PTBP3: variants seen among roughly 807,000 people sequenced by gnomAD.
PTBP3 encodes polypyrimidine tract-binding protein 3.
Under a neutral mutation model 58.7 loss-of-function variants are expected in PTBP3, and 20 were observed. The observed-to-expected ratio is 0.34, with a 90% CI of 0.24 to 0.50. The LOEUF is 0.50. Among genes scored for constraint, PTBP3 ranks in the 20% least tolerant of loss-of-function variants. The pLI is 0.98. For missense variants in PTBP3, 509 were observed against 637.2 expected (o/e 0.80, Z 2.17); for synonymous variants, 185 against 219.8 (o/e 0.84, Z 1.40).
chr9:112,320,519 G>A (rs1008477417), intron 1 of PTBP3, among the ~76,000 whole-genome samples: 3 of 151,492 alleles, frequency 2.0e-5, no homozygotes, highest in Non-Finnish European at 4.4e-5. Flanking sequence ...ATCAATGCCA[G>A]GGAAAATCAC....
intron 3 of PTBP3, among the ~76,000 whole-genome samples, chr9:112,270,730 C>T (rs1345545492): frequency 1.3e-5 from 2 of 152,202 alleles, no homozygotes; most frequent in East Asian, 3.8e-4. Context: ...TCAGTGATCT[C>T]CTTACCATAT....
intron 1 of PTBP3, chr9:112,330,336 T>A: frequency 1.2e-6 from 1 of 850,216 alleles, no homozygotes; most frequent in Non-Finnish European, 1.8e-6. Context: ...AAGTAAAAAT[T>A]AAAGACTTTT....
At chr9:112,354,575 C>T in the PTBP3 span, among the ~76,000 whole-genome samples, 1 of 152,166 alleles carries the variant, frequency 6.6e-6, no homozygotes, top group African/African-American at 2.4e-5. Context: ...TGTTCTGGAG[C>T]AGTGGGAGTA....
chr9:112,287,361 A>C (rs1221689565), intron 2 of PTBP3, among the ~76,000 whole-genome samples: 2 of 77,956 alleles, frequency 2.6e-5, no homozygotes, highest in Admixed American at 1.8e-4. Flanking sequence ...TTTTTTTGAG[A>C]CAGAGTCTTG....
chr9:112,340,583 T>C, the PTBP3 span, among the ~76,000 whole-genome samples: 1 of 152,210 alleles, frequency 6.6e-6, no homozygotes, highest in Admixed American at 6.5e-5. Flanking sequence ...TATCTATGTT[T>C]TAAAATCTCT....
At chr9:112,308,842 TCTGG>T (rs1829352138) in intron 1 of PTBP3, among the ~76,000 whole-genome samples, 1 of 152,180 alleles carries the variant, frequency 6.6e-6, no homozygotes, top group Non-Finnish European at 1.5e-5. Context: ...TTGTCAGCTC[TCTGG>T]CTAAGTCAGC....
intron 1 of PTBP3, among the ~76,000 whole-genome samples, chr9:112,316,085 T>A (rs1461593769): frequency 6.6e-5 from 10 of 152,208 alleles, no homozygotes; most frequent in Admixed American, 6.5e-4. Flanking sequence ...TAGACAGTAC[T>A]CTGGAACCAT....
chr9:112,320,312 A>ATTT (rs1211297585), intron 1 of PTBP3, among the ~76,000 whole-genome samples: 43 of 47,622 alleles, frequency 9.0e-4, no homozygotes, highest in African/African-American at 4.8e-3. Flanking sequence ...ATATATATAT[A>ATTT]TATTTTTTTT....
intron 1 of PTBP3, among the ~76,000 whole-genome samples, chr9:112,310,895 TAAG>T (rs1273846629): frequency 1.3e-5 from 2 of 152,084 alleles, no homozygotes; most frequent in Non-Finnish European, 2.9e-5. Flanking sequence ...GGAAAAACAG[TAAG>T]GAGGCAATTA....
chr9:112,232,059 C>G (rs946588584), intron 9 of PTBP3, 40 bp downstream of exon 9: 1 of 1,400,556 alleles, frequency 7.1e-7, no homozygotes, highest in Non-Finnish European at 9.6e-7. Context: ...ACTATACCTT[C>G]TCCTGAAAGA....
At chr9:112,297,684 A>G (rs1273631032) in intron 2 of PTBP3, 148 bp downstream of exon 2, 4 of 474,152 alleles carry the variant, frequency 8.4e-6, no homozygotes, top group African/African-American at 8.1e-5. Context: ...TCACCTATGT[A>G]AACAGTATAT....
At chr9:112,294,191 G>T (rs1436928564) in intron 2 of PTBP3, among the ~76,000 whole-genome samples, 1 of 152,092 alleles carries the variant, frequency 6.6e-6, no homozygotes, top group African/African-American at 2.4e-5. Flanking sequence ...GAAAAGGAAG[G>T]AACCGATTAA....
chr9:112,272,324 C>A (rs1471819311), intron 3 of PTBP3, among the ~76,000 whole-genome samples: 1 of 152,140 alleles, frequency 6.6e-6, no homozygotes, highest in Non-Finnish European at 1.5e-5. Context: ...CTCAGCCTCC[C>A]AAAGTGGTGG....
At chr9:112,312,521 G>T (rs570435828) in intron 1 of PTBP3, among the ~76,000 whole-genome samples, 3 of 139,520 alleles carry the variant, frequency 2.2e-5, no homozygotes, top group Non-Finnish European at 3.0e-5. Context: ...AAAAGGACGT[G>T]TGTGTGTGCG....
At chr9:112,286,362 AT>A (rs1412579675) in intron 2 of PTBP3, among the ~76,000 whole-genome samples, 1 of 151,644 alleles carries the variant, frequency 6.6e-6, no homozygotes, top group Admixed American at 6.6e-5. Flanking sequence ...TGTCCCATTT[AT>A]TTTTTATTCC....
At chr9:112,256,821 C>T (rs1392698215) in intron 5 of PTBP3, among the ~76,000 whole-genome samples, 1 of 151,316 alleles carries the variant, frequency 6.6e-6, no homozygotes, top group African/African-American at 2.4e-5. Context: ...CTGCACCCAG[C>T]TGGCAATATG....
chr9:112,347,165 T>C, the PTBP3 span, among the ~76,000 whole-genome samples: 19 of 152,186 alleles, frequency 1.2e-4, no homozygotes, highest in Non-Finnish European at 1.9e-4. Flanking sequence ...TTTATCTATT[T>C]TATTGCAATA....
At chr9:112,287,783 T>G (rs1363146353) in intron 2 of PTBP3, among the ~76,000 whole-genome samples, 1 of 152,194 alleles carries the variant, frequency 6.6e-6, no homozygotes, top group East Asian at 1.9e-4. Flanking sequence ...TAAGTTCTAT[T>G]TGATTTTTTC....
At position 112,219,758 on chromosome 9, in the gene PTBP3, G is replaced by A. The variant is rs762441329; in HGVS notation, c.*4093C>T. 3.9e-5 allele frequency: 6 copies of A among 152,812 alleles called. No homozygotes were observed. Among genetic ancestry groups the A allele is most frequent in the Non-Finnish European group, 5.9e-5 (4 of 68,242 alleles). The allele number at this position is 152,812 out of a possible 1,614,324, so 9.5% of individuals were successfully genotyped here. On this transcript the variant is annotated 3_prime_UTR_variant, in exon 14 of 14. Coordinates refer to ENST00000374257, the MANE Select transcript of PTBP3 (RefSeq NM_001163788.4). ...ACTTTAGTCTCAAATAGGAAGAAAA[G>A]GTCAATTAAGACTACTGAAGAAGGC...
Sources: gnomAD v4.1 joint callset for allele counts (sites outside exome capture counted in the v4.1 genomes callset) on GRCh38, gnomAD v4.1.1 for gene constraint, MANE v1.5 for transcripts, NCBI Gene and HGNC (gene_info 2026-07-23, HGNC 2026-07-21) for gene names.